Variants in TMPRSS15 observed in about 807,000 individuals in gnomAD.
TMPRSS15 encodes the protein enteropeptidase.
TMPRSS15 carries 128 observed loss-of-function variants against 125.3 expected under a neutral mutation model. The observed-to-expected ratio is 1.02, with a 90% confidence interval of 0.89 to 1.18. The LOEUF (loss-of-function observed/expected upper bound fraction) is 1.18. Ranked by LOEUF, TMPRSS15 falls within the 50% of genes most tolerant of loss-of-function variation. TMPRSS15 has a pLI of 0.00. For missense variants in TMPRSS15, 1,283 were observed against 1,212.7 expected (o/e 1.06, Z -0.86); for synonymous variants, 446 against 423.2 (o/e 1.05, Z -0.66).
chr21:18,312,620 T>C (rs985453159), intron 18 of TMPRSS15, among the ~76,000 whole-genome samples: 4 of 151,722 alleles, frequency 2.6e-5, no homozygotes, highest in African/African-American at 9.7e-5. Flanking sequence ...TATTATGATA[T>C]AGGATAAAAT....
At position 18,444,299 on chromosome 21, in the gene TMPRSS15, A is replaced by G. The variant is rs569952935; in HGVS notation, c.10+41500T>C. Among the ~76,000 whole-genome samples the G allele has an allele frequency of 1.3e-4, 20 of 152,362 alleles. No individual in the cohort carries two copies. The South Asian group carries it at 3.5e-3, about 27-fold the overall frequency. On this transcript the variant is annotated intron_variant, in intron 1 of 7. Transcript: ENST00000422787. ...ATATGTACATCACGGAATACTACAT[A>G]ACCATAAAAAAGGATTATTTCGTGT...
rs1486487868 is a variant in TMPRSS15, at chr21:18,387,604, CACACACAT to C, written c.345-3834_345-3827del. 6.8e-3 allele frequency among the ~76,000 whole-genome samples: 522 copies of C among 77,208 alleles called. 2 individuals carry two copies. Among genetic ancestry groups the C allele is most frequent in the Middle Eastern group, 0.013 (2 of 154 alleles). The allele number at this position is 77,208 out of a possible 152,430, so 50.7% of individuals were successfully genotyped here. On this transcript the variant is annotated intron_variant, in intron 3 of 24. Coordinates refer to ENST00000284885, the MANE Select transcript of TMPRSS15 (RefSeq NM_002772.3). The stretch of plus-strand genomic sequence containing the variant: ...TTACCCTGAAGAGTAGCTACACACA[CACACACAT>C]ACACACACACACACACACACACACA...
chr21:18,371,740 A>T (rs1164814948), intron 6 of TMPRSS15, among the ~76,000 whole-genome samples: 1 of 152,126 alleles, frequency 6.6e-6, no homozygotes, highest in Non-Finnish European at 1.5e-5. Flanking sequence ...TGAGTTAGGT[A>T]CTGTTAAAAT....
intron 6 of TMPRSS15, among the ~76,000 whole-genome samples, chr21:18,367,939 C>T (rs1217522535): frequency 2.6e-5 from 4 of 152,094 alleles, no homozygotes; most frequent in Non-Finnish European, 4.4e-5. Flanking sequence ...ATCGCAATGA[C>T]ATCACCCACT....
chr21:18,313,349 C>CTATATA (rs145916814), intron 17 of TMPRSS15, among the ~76,000 whole-genome samples: 6 of 149,352 alleles, frequency 4.0e-5, no homozygotes, highest in East Asian at 3.9e-4. Flanking sequence ...CTCTCTCTCT[C>CTATATA]TATATATATA....
intron 21 of TMPRSS15, among the ~76,000 whole-genome samples, chr21:18,283,393 C>T (rs572641054): frequency 6.3e-4 from 96 of 152,016 alleles, no homozygotes; most frequent in Non-Finnish European, 1.3e-3. Context: ...TTACCTCACA[C>T]ATTCACTCAA....
intron 21 of TMPRSS15, among the ~76,000 whole-genome samples, chr21:18,292,818 G>A (rs895692101): frequency 2.0e-5 from 3 of 152,182 alleles, no homozygotes; most frequent in African/African-American, 7.2e-5. Flanking sequence ...TTAAAGCCAT[G>A]TTTAGAAGGG....
At chr21:18,425,821 A>G (rs1022181652) in intron 1 of TMPRSS15, among the ~76,000 whole-genome samples, 9 of 152,180 alleles carry the variant, frequency 5.9e-5, no homozygotes, top group African/African-American at 2.2e-4. Context: ...ATTCAGATGC[A>G]TCAGTATTCT....
intron 17 of TMPRSS15, 55 bp from the exon 18 acceptor site, chr21:18,313,132 T>G: frequency 8.0e-7 from 1 of 1,254,886 alleles, no homozygotes; most frequent in Non-Finnish European, 1.2e-6. Context: ...GTGCGGAGTA[T>G]GGGAAGACAT....
intron 3 of TMPRSS15, among the ~76,000 whole-genome samples, chr21:18,391,825 A>C (rs575676030): frequency 6.6e-6 from 1 of 152,356 alleles, no homozygotes; most frequent in Non-Finnish European, 1.5e-5. Flanking sequence ...CTACATATCC[A>C]GATGTTTCCA....
intron 14 of TMPRSS15, 116 bp downstream of exon 14, chr21:18,331,968 G>T: frequency 1.2e-6 from 1 of 814,090 alleles, no homozygotes; most frequent in Non-Finnish European, 2.1e-6. Flanking sequence ...CTTATAGGTA[G>T]ACATGATAGG....
Position 18,341,477 on chromosome 21 carries a change from C to A in TMPRSS15, c.1500G>T (p.Gly500=), listed in dbSNP as rs1235232852. The change falls in exon 13 of 25, where the codon GGG becomes GGT. Residue 500 remains glycine (G), a synonymous_variant. Coordinates refer to ENST00000284885, the MANE Select transcript of TMPRSS15 (RefSeq NM_002772.3). ...CTGGATAAAGACTCCCATTGCAAAT[C>A]CCATATGTTAGGCTAATGTCATCCA... ...IALDDISLTY[G]ICNGSLYPEP... is the part of the protein sequence containing the mutation. 4 of 1,614,022 alleles carry A rather than the reference C, an allele frequency of 2.5e-6. No homozygotes were observed. In the Admixed American group the frequency reaches 5.0e-5, roughly 20 times the overall value.
chr21:18,438,209 A>T (rs1043137855), intron 1 of TMPRSS15, among the ~76,000 whole-genome samples: 13 of 150,592 alleles, frequency 8.6e-5, no homozygotes, highest in Non-Finnish European at 1.6e-4. Flanking sequence ...CATCATTCTC[A>T]GTAAACTATC....
intron 1 of TMPRSS15, among the ~76,000 whole-genome samples, chr21:18,423,409 CTTT>C (rs5842689): frequency 2.5e-4 from 32 of 128,698 alleles, no homozygotes; most frequent in African/African-American, 4.5e-4. Flanking sequence ...AAAATAAATT[CTTT>C]TTTTTTTTTT....
upstream of TMPRSS15, among the ~76,000 whole-genome samples, chr21:18,403,893 G>A (rs1452989723): frequency 2.0e-5 from 3 of 152,052 alleles, no homozygotes; most frequent in Non-Finnish European, 2.9e-5. Context: ...ACCTGAACAG[G>A]CCATTTGCCA....
chr21:18,289,020 TTAAG>T (rs1162653755), intron 21 of TMPRSS15, among the ~76,000 whole-genome samples: 35 of 152,230 alleles, frequency 2.3e-4, no homozygotes, highest in African/African-American at 7.7e-4. Flanking sequence ...TAAGAAGAAA[TTAAG>T]TATTTAAAAA....
At chr21:18,439,240 A>G (rs762003391) in intron 1 of TMPRSS15, among the ~76,000 whole-genome samples, 21 of 152,220 alleles carry the variant, frequency 1.4e-4, no homozygotes, top group Non-Finnish European at 1.2e-4. Context: ...AAAAATTTCA[A>G]TTAATTTTGC....
At chr21:18,388,989 G>A (rs935165205) in intron 3 of TMPRSS15, among the ~76,000 whole-genome samples, 13 of 151,900 alleles carry the variant, frequency 8.6e-5, no homozygotes, top group Admixed American at 1.3e-4. Context: ...GACAGCAGAT[G>A]GGTGTAGGGG....
chr21:18,408,904 C>T (rs1462398848), intron 1 of TMPRSS15, among the ~76,000 whole-genome samples: 2 of 151,914 alleles, frequency 1.3e-5, no homozygotes, highest in African/African-American at 4.8e-5. Flanking sequence ...ACTAGTCCTC[C>T]TTTATTGTTA....
Sources: gnomAD v4.1 joint callset for allele counts (sites outside exome capture counted in the v4.1 genomes callset) on GRCh38, gnomAD v4.1.1 for gene constraint, MANE v1.5 for transcripts, NCBI Gene and HGNC (gene_info 2026-07-23, HGNC 2026-07-21) for gene names.